The following DACT3 variants were observed in gnomAD, a reference collection of about 807,000 sequenced individuals.
DACT3 encodes the protein dapper homolog 3.
In DACT3, 5 loss-of-function variants were observed where a neutral mutation model predicts 19.6. That is an observed-to-expected ratio of 0.26 (90% confidence interval 0.13 to 0.54). DACT3 has a LOEUF of 0.54. Among genes scored for constraint, DACT3 ranks in the 20% least tolerant of loss-of-function variants. The pLI is 0.95. For synonymous variants in DACT3, 454 were observed against 428.1 expected (o/e 1.06, Z -0.75); for missense variants, 908 against 927.4 (o/e 0.98, Z 0.27).
At chr19:46,656,883 C>G (rs1296307414) in intron 1 of DACT3, among the ~76,000 whole-genome samples, 1 of 152,184 alleles carries the variant, frequency 6.6e-6, no homozygotes. Flanking sequence ...TGATTACAGC[C>G]TGCAGTCACG....
At chr19:46,654,663 G>A in intron 1 of DACT3, 3 of 985,506 alleles carry the variant, frequency 3.0e-6, no homozygotes, top group Non-Finnish European at 3.6e-6. Flanking sequence ...GTGAGGCCGG[G>A]TAGCAGCAGG....
At position 46,661,102 on chromosome 19, in the gene DACT3, G is replaced by C; in HGVS notation, c.-38C>G. 1 of 1,386,516 alleles carries C rather than the reference G, an allele frequency of 7.2e-7. No individual in the cohort carries two copies. Among genetic ancestry groups the C allele is most frequent in the Admixed American group, 3.6e-5 (1 of 27,578 alleles). 85.9% of individuals were successfully genotyped at this position (1,386,516 alleles called of 1,614,324 possible). A position where few individuals can be genotyped will look rare whatever the true frequency, so the allele number is the denominator to read the frequency against. On this transcript the variant is annotated 5_prime_UTR_variant, in exon 1 of 4. Coordinates refer to ENST00000391916, the MANE Select transcript of DACT3 (RefSeq NM_145056.3). ...CCGCCCCAGCCCGGCCGGGCCCCGC[G>C]GCCACCCCTCTCCCGGTCCCACCTC...
intron 1 of DACT3, among the ~76,000 whole-genome samples, chr19:46,656,375 G>A (rs539395077): frequency 2.0e-5 from 3 of 151,798 alleles, no homozygotes; most frequent in Admixed American, 6.6e-5. Flanking sequence ...TTGAGACAAG[G>A]TCTCACTGTC....
rs2053011651 is a variant in DACT3 at position 46,654,032 on chromosome 19, C to T, written c.250-957G>A. On this transcript the variant is annotated intron_variant, in intron 1 of 3. Coordinates refer to ENST00000391916, the MANE Select transcript of DACT3 (RefSeq NM_145056.3). ...TTTGCTCTCCCTTCAGAAAGAACCT[C>T]CCAAGCCTCCTAGACAGTCCTGTGA... 17 of 985,286 alleles carry T rather than the reference C, an allele frequency of 1.7e-5. No homozygotes were observed. In the South Asian group the frequency reaches 7.5e-4, roughly 44 times the overall value. 61.0% of individuals were successfully genotyped at this position (985,286 alleles called of 1,614,324 possible).
intron 1 of DACT3, chr19:46,655,180 C>T (rs2053023680): frequency 2.3e-6 from 1 of 430,116 alleles, no homozygotes; most frequent in African/African-American, 2.1e-5. Flanking sequence ...GTTTCCCCCA[C>T]ATACCTTCCT....
intron 2 of DACT3, 40 bp from the exon 3 acceptor site, chr19:46,652,852 G>T: frequency 6.5e-7 from 1 of 1,542,600 alleles, no homozygotes; most frequent in Non-Finnish European, 8.8e-7. Flanking sequence ...CAGGGGGTTT[G>T]GGTGGGAAAA....
chr19:46,649,627 G>A lies in DACT3; in HGVS notation c.745C>T (p.Leu249=). The change falls in exon 4 of 4, where the codon CTG becomes TTG. Residue 249 remains leucine, a synonymous_variant. Transcript: ENST00000391916. ...AGGAGCGCCGAGATGTAGCCGTCCA[G>A]GGGCCGCCCTGCGCCCCCCGCGTCG... The part of the protein sequence containing the change: ...SPDAGGAGRP[L]DGYISALLRR... 1 of 1,132,282 alleles carries A rather than the reference G, an allele frequency of 8.8e-7. No individual in the cohort carries two copies. The highest frequency in any genetic ancestry group is 1.1e-6 in the Non-Finnish European group (1 of 925,552). 70.1% of individuals were successfully genotyped at this position (1,132,282 alleles called of 1,614,324 possible).
intron 3 of DACT3, chr19:46,651,684 GT>G: frequency 6.5e-6 from 1 of 152,726 alleles, no homozygotes; most frequent in Non-Finnish European, 1.4e-5. Context: ...GTGTGTGTGT[GT>G]GTGTGTGGTT....
At position 46,648,324 on chromosome 19, in the gene DACT3, AGCCT is replaced by A; in HGVS notation, c.*154_*157del. ...CCATTCCTCTCGGTGGTGGTGGGGG[AGCCT>A]TTTCAACCAAGACTGTTAGGAGTGG... On this transcript the variant is annotated 3_prime_UTR_variant, in exon 4 of 4. Transcript: ENST00000391916. The surrounding 1 kb of genome is among the most constrained non-coding windows in gnomAD (Gnocchi z 5.1). 8.8e-7 allele frequency: 1 copy of A among 1,135,402 alleles called. No individual in the cohort carries two copies. The highest frequency in any genetic ancestry group is 1.2e-6 in the Non-Finnish European group (1 of 821,428). The allele number at this position is 1,135,402 out of a possible 1,614,324, so 70.3% of individuals were successfully genotyped here.
chr19:46,648,261 C>A lies in DACT3; in HGVS notation c.*221G>T. ...GGGAACTGTCTTGCCCAAGGGCTTC[C>A]AAGCTAGAAGCTGAACTGGGTCAAA... On this transcript the variant is annotated 3_prime_UTR_variant, in exon 4 of 4. Coordinates refer to ENST00000391916, the MANE Select transcript of DACT3 (RefSeq NM_145056.3). The surrounding 1 kb of genome is among the most constrained non-coding windows in gnomAD (Gnocchi z 5.1). 1 of 706,102 alleles carries A rather than the reference C, an allele frequency of 1.4e-6. No homozygotes were observed. The highest frequency in any genetic ancestry group is 2.3e-6 in the Non-Finnish European group (1 of 434,018). The allele number at this position is 706,102 out of a possible 1,614,324, so 43.7% of individuals were successfully genotyped here.
rs1199040751 is a variant in DACT3 at position 46,649,475 on chromosome 19, C to T, written c.897G>A (p.Ala299=). 2 of 1,154,028 alleles carry T rather than the reference C, an allele frequency of 1.7e-6. No homozygotes were observed. Among genetic ancestry groups the T allele is most frequent in the Admixed American group, 4.8e-5 (1 of 20,692 alleles). The allele number at this position is 1,154,028 out of a possible 1,614,324, so 71.5% of individuals were successfully genotyped here. Residue 299 remains alanine (A), a synonymous_variant, in exon 4 of 4, where the codon GCG becomes GCA. Transcript: ENST00000391916. ...PPDASPSPGS[A]RPAREPSLER... is the part of the protein sequence containing the mutation. ...CCAACGAGGGCTCCCGCGCGGGTCG[C>T]GCGCTGCCGGGGGACGGAGACGCGT...
chr19:46,658,764 C>A (rs1047072922), intron 1 of DACT3, among the ~76,000 whole-genome samples: 1 of 152,164 alleles, frequency 6.6e-6, no homozygotes, highest in Non-Finnish European at 1.5e-5. Context: ...ACTTCCCTTA[C>A]CTTGTTTCTC....
chr19:46,647,554 TAGTCCAAAGGAAA>T lies in DACT3; in HGVS notation c.*915_*927del, dbSNP rs2052930818. 6 of 152,376 alleles carry T rather than the reference TAGTCCAAAGGAAA, an allele frequency of 3.9e-5. No homozygotes were observed. Among genetic ancestry groups the T allele is most frequent in the Admixed American group, 3.9e-4 (6 of 15,276 alleles). The allele number at this position is 152,376 out of a possible 1,614,324, so 9.4% of individuals were successfully genotyped here. A position where few individuals can be genotyped will look rare whatever the true frequency, so the allele number is the denominator to read the frequency against. ...CAAACAGAAGTTGCTCAATAAATGT[TAGTCCAAAGGAAA>T]AAGAGCATTTCTCCCATTTAATCAT... On this transcript the variant is annotated 3_prime_UTR_variant, in exon 4 of 4. Coordinates refer to ENST00000391916, the MANE Select transcript of DACT3 (RefSeq NM_145056.3).
intron 1 of DACT3, among the ~76,000 whole-genome samples, chr19:46,655,925 C>CTCTCTCTCTCTCTCTCTCTCTCTATA (rs980735397): frequency 2.9e-5 from 4 of 137,896 alleles, no homozygotes; most frequent in African/African-American, 1.1e-4. Flanking sequence ...CTCTCTCTCT[C>CTCTCTCTCTCTCTCTCTCTCTCTATA]TATATATATA....
At chr19:46,658,446 CT>C (rs2053048507) in intron 1 of DACT3, among the ~76,000 whole-genome samples, 1 of 152,170 alleles carries the variant, frequency 6.6e-6, no homozygotes, top group African/African-American at 2.4e-5. Flanking sequence ...AAAGGATAGA[CT>C]TTTTGGTAAG....
At position 46,647,706 on chromosome 19, in the gene DACT3, T is replaced by C. The variant is rs2052932140; in HGVS notation, c.*776A>G. 2 of 152,340 alleles carry C rather than the reference T, an allele frequency of 1.3e-5. No individual in the cohort carries two copies. The highest frequency in any genetic ancestry group is 1.3e-4 in the Admixed American group (2 of 15,236). The allele number at this position is 152,340 out of a possible 1,614,324, so 9.4% of individuals were successfully genotyped here. On this transcript the variant is annotated 3_prime_UTR_variant, in exon 4 of 4. Coordinates refer to ENST00000391916, the MANE Select transcript of DACT3 (RefSeq NM_145056.3). ...GGGGAGTCACCATCGTCATAATAAATACAGTAATTTTAAAAAAGAAAAAAA... is the reference window on the plus strand; with the variant it reads ...GGGGAGTCACCATCGTCATAATAAACACAGTAATTTTAAAAAAGAAAAAAA...
intron 1 of DACT3, chr19:46,654,235 C>G (rs1010037618): frequency 7.1e-6 from 7 of 984,464 alleles, no homozygotes; most frequent in African/African-American, 3.5e-5. Context: ...GCCTGTAATC[C>G]CAGCATTTTG....
rs754738498 is a variant in DACT3 at position 46,648,775 on chromosome 19, C to T, written c.1597G>A (p.Gly533Arg). 1 of 1,550,946 alleles carries T rather than the reference C, an allele frequency of 6.4e-7. No homozygotes were observed. Among genetic ancestry groups the T allele is most frequent in the South Asian group, 1.1e-5 (1 of 87,336 alleles). Residue 533 changes from glycine (G) to arginine (R), a missense_variant, in exon 4 of 4, where the codon GGA becomes AGA. Coordinates refer to ENST00000391916, the MANE Select transcript of DACT3 (RefSeq NM_145056.3). The surrounding 1 kb of genome is among the most constrained non-coding windows in gnomAD (Gnocchi z 5.1). The stretch of plus-strand genomic sequence containing the variant: ...ACGCCTCCCGCAGGCCCCCGGCGTC[C>T]CAGGGGCCCCAGGCGCCCAGCCGAG... ...ECSAGRLGPL[G>R]RRGPAGGVGG... is the part of the protein sequence containing the mutation.
rs1191821869 is a variant in DACT3, at chr19:46,649,242, C to T, written c.1130G>A (p.Arg377His). ...GCCGCGGGTCAGTGGCGGCGGTTTG[C>T]GGCGGGCGGCGCGGCCAGGGAGGCC... ...TRGLPGRAAR[R>H]KPPPLTRGRS... is the part of the protein sequence containing the mutation. The change falls in exon 4 of 4, where the codon CGC becomes CAC. Residue 377 changes from arginine to histidine, a missense_variant. Transcript: ENST00000391916. 2.5e-5 allele frequency: 30 copies of T among 1,198,066 alleles called. No homozygotes were observed. Among genetic ancestry groups the T allele is most frequent in the South Asian group, 3.7e-5 (1 of 27,376 alleles). The allele number at this position is 1,198,066 out of a possible 1,614,324, so 74.2% of individuals were successfully genotyped here. A position where few individuals can be genotyped will look rare whatever the true frequency, so the allele number is the denominator to read the frequency against.
Sources: gnomAD v4.1 joint callset for allele counts (sites outside exome capture counted in the v4.1 genomes callset) on GRCh38, gnomAD v4.1.1 for gene constraint, Gnocchi (gnomAD v3.1) non-coding constraint, MANE v1.5 for transcripts, NCBI Gene and HGNC (gene_info 2026-07-23, HGNC 2026-07-21) for gene names.